Variants in HIP1R observed in about 807,000 individuals in gnomAD.
HIP1R encodes the protein huntingtin-interacting protein 1-related protein.
In HIP1R, 135 loss-of-function variants were observed where a neutral mutation model predicts 144.2. That is an observed-to-expected ratio of 0.94 (90% CI 0.81 to 1.08). The LOEUF (loss-of-function observed/expected upper bound fraction) is 1.08, where lower values mean the gene tolerates loss of function less well. HIP1R is among the 50% of genes least tolerant of loss of function. HIP1R has a pLI of 0.00. For synonymous variants in HIP1R, 698 were observed against 612.8 expected (o/e 1.14, Z -2.05); for missense variants, 1,462 against 1,432.8 (o/e 1.02, Z -0.33).
chr12:122,841,352 T>C (rs953636862), intron 1 of HIP1R, among the ~76,000 whole-genome samples: 10 of 152,274 alleles, frequency 6.6e-5, no homozygotes, highest in Admixed American at 2.0e-4. Flanking sequence ...CAGGCTCGCC[T>C]GAGAAGTGGG....
intron 4 of HIP1R, among the ~76,000 whole-genome samples, 161 bp downstream of exon 4, chr12:122,849,013 G>A (rs1180362101): frequency 6.6e-6 from 1 of 152,266 alleles, no homozygotes; most frequent in Non-Finnish European, 1.5e-5. Flanking sequence ...GCCTGCCTTT[G>A]AGGGCCTGGC....
In HIP1R at chr12:122,855,871, C is replaced by A; in HGVS notation, c.1096C>A (p.Leu366Ile). 1 of 1,565,216 alleles carries A rather than the reference C, an allele frequency of 6.4e-7. No individual in the cohort carries two copies. Among genetic ancestry groups the A allele is most frequent in the Non-Finnish European group, 8.7e-7 (1 of 1,154,462 alleles). ...GAGCTTGAAGAGAGAGGTGGAAATGCTCCGCTCTGAACTGGAGAAGATCAA... is the reference window on the plus strand; with the variant it reads ...GAGCTTGAAGAGAGAGGTGGAAATGATCCGCTCTGAACTGGAGAAGATCAA... The part of the protein sequence containing the change: ...IESLKREVEM[L>I]RSELEKIKLE... Residue 366 changes from leucine (L) to isoleucine (I), a missense_variant, in exon 13 of 32, where the codon CTC becomes ATC. Leu to Ile is a conservative substitution (Grantham distance 5). Around this residue, in one of 2 missense-constraint regions of HIP1R, gnomAD observed 1,112 missense variants for 1,011.7 expected, o/e 1.10. Transcript: ENST00000253083.
In HIP1R at chr12:122,857,087, G is replaced by C. The variant is rs766543810; in HGVS notation, c.1687G>C (p.Val563Leu). 1.9e-6 allele frequency: 3 copies of C among 1,551,426 alleles called. No homozygotes were observed. The highest frequency in any genetic ancestry group is 2.6e-6 in the Non-Finnish European group (3 of 1,147,540). Residue 563 changes from valine (V) to leucine (L), a missense_variant, in exon 18 of 32, where the codon GTG becomes CTG. Around this residue, in one of 2 missense-constraint regions of HIP1R, gnomAD observed 1,112 missense variants for 1,011.7 expected, o/e 1.10. Transcript: ENST00000253083. The part of the protein sequence containing the change: ...SAEKDALSGA[V>L]RQREADLLAA... ...GGAGAAGGATGCTCTGAGTGGAGCT[G>C]TGCGGCAGCGGGAGGCAGACCTGCT...
rs775625200 is a variant in HIP1R, at chr12:122,856,256, G to A, written c.1313G>A (p.Arg438Lys). The A allele has an allele frequency of 1.1e-5, 18 of 1,613,594 alleles. No homozygotes were observed. Among genetic ancestry groups the A allele is most frequent in the East Asian group, 4.5e-5 (2 of 44,870 alleles). Residue 438 changes from arginine (R) to lysine (K), a missense_variant and splice_region_variant, in exon 15 of 32, where the codon AGG (arginine) becomes AAG (lysine). This residue lies in a region of HIP1R where 1,112 missense variants were observed against 1,011.7 expected (regional missense o/e 1.10). Coordinates refer to ENST00000253083, the MANE Select transcript of HIP1R (RefSeq NM_003959.3). ...TCACTGCCCCTCCTCTCGCCCCCAG[G>A]GAAGGCCAGTGCCACGGAGGCGCGC... ...RSQGLREEAERKASATEARYN... is the reference protein window; with the variant it reads ...RSQGLREEAEKKASATEARYN...
intron 1 of HIP1R, among the ~76,000 whole-genome samples, chr12:122,843,706 G>A (rs911401791): frequency 6.6e-6 from 1 of 152,172 alleles, no homozygotes; most frequent in Non-Finnish European, 1.5e-5. Context: ...TGTGGACTCC[G>A]AGGATTTTTC....
intron 8 of HIP1R, 91 bp downstream of exon 8, chr12:122,854,274 GT>G: frequency 9.4e-7 from 1 of 1,059,006 alleles, no homozygotes; most frequent in Non-Finnish European, 1.3e-6. Context: ...AAAATTAGAG[GT>G]TTATTCATTT....
chr12:122,857,331 T>C (rs1176589366), intron 18 of HIP1R, 116 bp downstream of exon 18: 4 of 967,946 alleles, frequency 4.1e-6, no homozygotes, highest in Non-Finnish European at 6.4e-6. Context: ...TCATACACGA[T>C]GCATCCTTTT....
At chr12:122,858,051 C>T in intron 18 of HIP1R, 51 bp from the exon 19 acceptor site, 3 of 1,420,180 alleles carry the variant, frequency 2.1e-6, no homozygotes, top group African/African-American at 1.5e-5. Context: ...TGGGGCACAT[C>T]CTTGGCCTTG....
Position 122,848,846 on chromosome 12 carries a change from C to G in HIP1R, c.351C>G (p.Asp117Glu). The part of the protein sequence containing the change: ...RYRSNIREIG[D>E]LWGHLHDRYG... ...GCAGCAACATCCGGGAGATTGGAGACCTGTGGGTAGGTCCAGCCATTCTAG... is the reference window on the plus strand; with the variant it reads ...GCAGCAACATCCGGGAGATTGGAGAGCTGTGGGTAGGTCCAGCCATTCTAG... Residue 117 changes from aspartate (D) to glutamate (E), a missense_variant, in exon 4 of 32, where the codon GAC (aspartate) becomes GAG (glutamate). By Grantham distance (45) the Asp-to-Glu change is conservative. Transcript: ENST00000253083. 6.2e-7 allele frequency: 1 copy of G among 1,613,236 alleles called. No individual in the cohort carries two copies. Among genetic ancestry groups the G allele is most frequent in the East Asian group, 2.2e-5 (1 of 44,886 alleles).
Position 122,855,036 on chromosome 12 carries a change from T to C in HIP1R, c.777-17T>C, listed in dbSNP as rs1593880517. On this transcript the variant is annotated splice_polypyrimidine_tract_variant and intron_variant, in intron 9 of 31. Coordinates refer to ENST00000253083, the MANE Select transcript of HIP1R (RefSeq NM_003959.3). ...CGTGGCCCCTTCCTGAACCCGAACT[T>C]CCCACCATCTCTGCAGCCTCAGGAA... 1 of 1,613,748 alleles carries C rather than the reference T, an allele frequency of 6.2e-7. No homozygotes were observed. Among genetic ancestry groups the C allele is most frequent in the East Asian group, 2.2e-5 (1 of 44,854 alleles).
intron 24 of HIP1R, 59 bp from the exon 25 acceptor site, chr12:122,859,988 A>G: frequency 6.6e-7 from 1 of 1,515,858 alleles, no homozygotes; most frequent in Non-Finnish European, 8.9e-7. Flanking sequence ...CAGGCCCGCC[A>G]TGGCGTCGTG....
At chr12:122,847,062 C>T (rs2033229918) in intron 1 of HIP1R, among the ~76,000 whole-genome samples, 1 of 152,236 alleles carries the variant, frequency 6.6e-6, no homozygotes, top group African/African-American at 2.4e-5. Context: ...CTGCGTGTCC[C>T]ATCTCAGTGT....
Position 122,861,180 on chromosome 12 carries a change from G to C in HIP1R, c.2940G>C (p.Glu980Asp), listed in dbSNP as rs2033759538. ...CCCTCATCAAGCTGAAGAAGCAGGAGATGGAGACCCAGGTAGGCGCCCATG... is the reference window on the plus strand; with the variant it reads ...CCCTCATCAAGCTGAAGAAGCAGGACATGGAGACCCAGGTAGGCGCCCATG... ...GLSLIKLKKQEMETQVRVLEL... is the reference protein window; with the variant it reads ...GLSLIKLKKQDMETQVRVLEL... Residue 980 changes from glutamate to aspartate, a missense_variant, in exon 30 of 32, where the codon GAG (glutamate) becomes GAC (aspartate). Coordinates refer to ENST00000253083, the MANE Select transcript of HIP1R (RefSeq NM_003959.3). 1.3e-6 allele frequency: 2 copies of C among 1,597,156 alleles called. No individual in the cohort carries two copies. Among genetic ancestry groups the C allele is most frequent in the Non-Finnish European group, 8.5e-7 (1 of 1,174,778 alleles).
chr12:122,836,059 C>G lies in HIP1R; in HGVS notation c.93+416C>G, dbSNP rs541101148. On this transcript the variant is annotated intron_variant, in intron 1 of 31. Transcript: ENST00000253083. This position sits in a 1 kb window ranked among gnomAD's most constrained non-coding sequence, Gnocchi z 4.1. ...CTGGGGATCCAGGTGCTCCCGGGGC[C>G]GGCGCGGCCCGACTGGGGTCCCCGA... Among the ~76,000 whole-genome samples the G allele has an allele frequency of 6.6e-6, 1 of 152,168 alleles. No homozygotes were observed. The highest frequency in any genetic ancestry group is 1.9e-4 in the East Asian group (1 of 5,152).
At chr12:122,853,975 T>A (rs1432841420) in intron 7 of HIP1R, 68 bp from the exon 8 acceptor site, 1 of 1,537,218 alleles carries the variant, frequency 6.5e-7, no homozygotes, top group Non-Finnish European at 8.8e-7. Context: ...GCTTCACAGT[T>A]GGACCACCTT....
intron 16 of HIP1R, 21 bp downstream of exon 16, chr12:122,856,569 GGCC>G: frequency 1.3e-6 from 2 of 1,599,738 alleles, no homozygotes; most frequent in Non-Finnish European, 1.7e-6. Flanking sequence ...TGTGGCACAG[GGCC>G]CTGCCCCGGC....
chr12:122,862,833 A>G lies in HIP1R; in HGVS notation c.*1080A>G, dbSNP rs1305054968. 5 of 152,124 alleles carry G rather than the reference A, an allele frequency of 3.3e-5. No homozygotes were observed. Among genetic ancestry groups the G allele is most frequent in the Admixed American group, 2.0e-4 (3 of 15,286 alleles). The allele number at this position is 152,124 out of a possible 1,614,324, so 9.4% of individuals were successfully genotyped here. A position where few individuals can be genotyped will look rare whatever the true frequency, so the allele number is the denominator to read the frequency against. On this transcript the variant is annotated 3_prime_UTR_variant, in exon 32 of 32. Transcript: ENST00000253083. ...TAGCCTTTCACCCTGTGCTCTGGAA[A>G]GGCTACCAAATACTGGCCAAGGTCA...
At chr12:122,854,438 C>T (rs965497743) in intron 8 of HIP1R, among the ~76,000 whole-genome samples, 2 of 151,744 alleles carry the variant, frequency 1.3e-5, no homozygotes, top group African/African-American at 2.4e-5. Context: ...TCGGCCAAGA[C>T]GGAGGCCCCA....
At position 122,861,437 on chromosome 12, in the gene HIP1R, A is replaced by C. The variant is rs760978846; in HGVS notation, c.3082A>C (p.Thr1028Pro). The C allele has an allele frequency of 6.2e-7, 1 of 1,613,510 alleles. No homozygotes were observed. The highest frequency in any genetic ancestry group is 1.7e-5 in the Admixed American group (1 of 60,014). The part of the protein sequence containing the change: ...PGEEVAIRPS[T>P]APRSVTTKKP... ...AGAGGAGGTGGCCATCCGGCCCAGC[A>C]CTGCCCCCCGAAGTGTAACCACCAA... Residue 1028 changes from threonine to proline, a missense_variant, in exon 31 of 32, where the codon ACT becomes CCT. By Grantham distance (38) the Thr-to-Pro change is conservative. Transcript: ENST00000253083.
Sources: gnomAD v4.1 joint callset for allele counts (sites outside exome capture counted in the v4.1 genomes callset) on GRCh38, gnomAD v4.1.1 for gene constraint, gnomAD v4.1.1 regional missense constraint, Gnocchi (gnomAD v3.1) non-coding constraint, MANE v1.5 for transcripts, NCBI Gene and HGNC (gene_info 2026-07-23, HGNC 2026-07-21) for gene names.